RIOK1: variants seen among roughly 807,000 people sequenced by gnomAD.
The protein encoded by RIOK1 is serine/threonine-protein kinase RIO1.
RIOK1 carries 66 observed loss-of-function variants against 73.5 expected under a neutral mutation model. The ratio of observed to expected loss-of-function variants is 0.90; its 90% CI spans 0.74 to 1.10. RIOK1 has a LOEUF of 1.10. Among genes scored for constraint, RIOK1 ranks in the 50% least tolerant of loss-of-function variants. The probability of loss-of-function intolerance (pLI) is 0.00; values close to 1 mark genes in which losing one functional copy is unlikely to be tolerated. For synonymous variants in RIOK1, 224 were observed against 226.8 expected, an observed-to-expected ratio of 0.99 and a Z score of 0.11; for missense variants, 658 against 699.8, an observed-to-expected ratio of 0.94 and a Z score of 0.67.
chr6:7,394,973 G>A, intron 2 of RIOK1, 80 bp from the exon 3 acceptor site: 1 of 1,574,150 alleles, frequency 6.4e-7, no homozygotes, highest in Admixed American at 1.8e-5. Flanking sequence ...TAATAGCTAA[G>A]TATGAACTAA....
At chr6:7,390,650 G>A (rs1433405534) in intron 1 of RIOK1, among the ~76,000 whole-genome samples, 1 of 152,210 alleles carries the variant, frequency 6.6e-6, no homozygotes, top group Non-Finnish European at 1.5e-5. Context: ...CACACAGAAG[G>A]GACAGCAAGA....
At chr6:7,396,879 C>A in intron 4 of RIOK1, 107 bp downstream of exon 4, 1 of 628,960 alleles carries the variant, frequency 1.6e-6, no homozygotes, top group Non-Finnish European at 2.8e-6. Flanking sequence ...ATACTTAAAC[C>A]AATCATTATT....
chr6:7,405,278 A>G lies in RIOK1; in HGVS notation c.1126A>G (p.Met376Val). Residue 376 changes from methionine to valine, a missense_variant, in exon 12 of 17, where the codon ATG becomes GTG. Met to Val is a conservative substitution (Grantham distance 21). Coordinates refer to ENST00000379834, the MANE Select transcript of RIOK1 (RefSeq NM_031480.3). The part of the protein sequence containing the change: ...DFFMRHSVAV[M>V]TVRELFEFVT... The stretch of plus-strand genomic sequence containing the variant: ...CTTTATGAGGCACAGTGTTGCTGTC[A>G]TGACTGTGCGGGAGCTCTTTGAATT... 1.2e-6 allele frequency: 2 copies of G among 1,613,236 alleles called. No homozygotes were observed. Among genetic ancestry groups the G allele is most frequent in the South Asian group, 1.1e-5 (1 of 91,052 alleles).
Position 7,414,357 on chromosome 6 carries a change from G to A in RIOK1, c.1563G>A (p.Lys521=). 6.2e-7 allele frequency: 1 copy of A among 1,612,326 alleles called. No homozygotes were observed. Among genetic ancestry groups the A allele is most frequent in the Non-Finnish European group, 8.5e-7 (1 of 1,179,542 alleles). ...SEEQGDHARP[K]KHTTDPDIDK... ...AGCAGGGAGACCATGCCCGCCCCAAGAAACACACCACGGACCCTGACATTG... is the reference window on the plus strand; with the variant it reads ...AGCAGGGAGACCATGCCCGCCCCAAAAAACACACCACGGACCCTGACATTG... The change falls in exon 16 of 17, where the codon AAG becomes AAA. Residue 521 remains lysine, a synonymous_variant. Transcript: ENST00000379834.
intron 1 of RIOK1, among the ~76,000 whole-genome samples, chr6:7,391,332 T>C (rs1301779436): frequency 6.6e-6 from 1 of 152,062 alleles, no homozygotes; most frequent in African/African-American, 2.4e-5. Flanking sequence ...ATTAGACTAT[T>C]TGTATTCGAA....
rs150425917 is a variant in RIOK1, at chr6:7,396,892, G to GGTGTGTGTGTGTGTGTGTGTGT, written c.437+127_437+148dup. ...GTATACTTAAACCAATCATTATTTTGGTGTGTGTGTGTGTGTGTGTGTGTG... is the reference window on the plus strand; with the variant it reads ...GTATACTTAAACCAATCATTATTTTGGTGTGTGTGTGTGTGTGTGTGTGTGTGTGTGTGTGTGTGTGTGTGTG... On this transcript the variant is annotated intron_variant, in intron 4 of 16. Transcript: ENST00000379834. The GGTGTGTGTGTGTGTGTGTGTGT allele has an allele frequency of 4.2e-4, 177 of 416,544 alleles. 1 individual carries two copies. Among genetic ancestry groups the GGTGTGTGTGTGTGTGTGTGTGT allele is most frequent in the Middle Eastern group, 1.2e-3 (2 of 1,620 alleles). The allele number at this position is 416,544 out of a possible 1,614,324, so 25.8% of individuals were successfully genotyped here. A position where few individuals can be genotyped will look rare whatever the true frequency, so the allele number is the denominator to read the frequency against.
rs1323331231 is a variant in RIOK1 at position 7,395,073 on chromosome 6, C to T, written c.297C>T (p.Asp99=). The T allele has an allele frequency of 6.2e-7, 1 of 1,613,764 alleles. No individual in the cohort carries two copies. The highest frequency in any genetic ancestry group is 1.3e-5 in the African/African-American group (1 of 74,916). ...SNPQANRQTS[D]SSSAKMSTPA... The stretch of plus-strand genomic sequence containing the variant: ...TCTAGGCAAATCGACAGACCTCCGA[C>T]AGCAGTTCAGCCAAAATGTCTACTC... Residue 99 remains aspartate (D), a synonymous_variant, in exon 3 of 17, where the codon GAC becomes GAT. Transcript: ENST00000379834.
chr6:7,414,015 G>T (rs1469494704), intron 15 of RIOK1, among the ~76,000 whole-genome samples: 1 of 152,150 alleles, frequency 6.6e-6, no homozygotes. Context: ...TAAAGCCCTG[G>T]TTCCTTCATT....
chr6:7,400,446 T>A (rs185959049), intron 5 of RIOK1, among the ~76,000 whole-genome samples: 16 of 152,290 alleles, frequency 1.1e-4, no homozygotes, highest in South Asian at 4.1e-4. Context: ...CAGTCTGAAT[T>A]GAGATGTGCT....
intron 9 of RIOK1, 65 bp downstream of exon 9, chr6:7,404,092 T>C (rs1761680641): frequency 3.7e-6 from 4 of 1,072,434 alleles, no homozygotes; most frequent in Non-Finnish European, 5.8e-6. Context: ...TTTGAGTTTA[T>C]CCACTATATG....
At chr6:7,409,940 T>G (rs956350010) in intron 12 of RIOK1, among the ~76,000 whole-genome samples, 3 of 152,322 alleles carry the variant, frequency 2.0e-5, no homozygotes, top group African/African-American at 7.2e-5. Context: ...CAGAGAGCTT[T>G]CTTCAGTGCA....
chr6:7,416,348 A>G (rs1761999136), intron 16 of RIOK1, among the ~76,000 whole-genome samples: 2 of 152,182 alleles, frequency 1.3e-5, no homozygotes, highest in Non-Finnish European at 2.9e-5. Context: ...CTGTCTTCAC[A>G]TTTCTATTAA....
intron 2 of RIOK1, among the ~76,000 whole-genome samples, chr6:7,394,836 C>CG (rs1761432177): frequency 1.3e-5 from 2 of 152,128 alleles, no homozygotes; most frequent in African/African-American, 4.8e-5. Context: ...GTTAAAAAAA[C>CG]GGATTATGCA....
Position 7,411,327 on chromosome 6 carries a change from G to C in RIOK1, c.1270-5G>C, listed in dbSNP as rs368614379. ...AGTTTTGATTTTGCTTTTCCTCTCT[G>C]TTAGGTGTTTAAGCGAGCATATATT... On this transcript the variant is annotated splice_region_variant and splice_polypyrimidine_tract_variant and intron_variant, in intron 13 of 16. Coordinates refer to ENST00000379834, the MANE Select transcript of RIOK1 (RefSeq NM_031480.3). 4.7e-5 allele frequency: 76 copies of C among 1,613,612 alleles called. No homozygotes were observed. Among genetic ancestry groups the C allele is most frequent in the Admixed American group, 1.7e-4 (10 of 59,952 alleles).
chr6:7,393,302 A>T lies in RIOK1; in HGVS notation c.275A>T (p.Gln92Leu), dbSNP rs770079960. 1.3e-5 allele frequency: 21 copies of T among 1,613,558 alleles called. No individual in the cohort carries two copies. The highest frequency in any genetic ancestry group is 8.5e-7 in the Non-Finnish European group (1 of 1,179,596). Residue 92 changes from glutamine (Q) to leucine (L), a missense_variant and splice_region_variant, in exon 2 of 17, where the codon CAG (glutamine) becomes CTG (leucine). Transcript: ENST00000379834. ...GTCTGGAATGGAGGAAGCAACCCAC[A>T]GGTATTTTATAAAGGATCCTGCACA... ...GYVWNGGSNP[Q>L]ANRQTSDSSS... is the part of the protein sequence containing the mutation.
At position 7,393,277 on chromosome 6, in the gene RIOK1, G is replaced by A; in HGVS notation, c.250G>A (p.Val84Ile). 6.2e-7 allele frequency: 1 copy of A among 1,614,138 alleles called. No homozygotes were observed. Among genetic ancestry groups the A allele is most frequent in the African/African-American group, 1.3e-5 (1 of 75,054 alleles). ...EGVGKLAKGY[V>I]WNGGSNPQAN... ...AGTTGGAAAACTCGCCAAGGGTTAT[G>A]TCTGGAATGGAGGAAGCAACCCACA... The change falls in exon 2 of 17, where the codon GTC becomes ATC. Residue 84 changes from valine to isoleucine, a missense_variant. Physicochemically the swap from Val to Ile is conservative, Grantham distance 29 (BLOSUM62 3). Transcript: ENST00000379834.
intron 1 of RIOK1, among the ~76,000 whole-genome samples, chr6:7,392,222 T>G (rs1394928471): frequency 7.0e-6 from 1 of 143,788 alleles, no homozygotes; most frequent in East Asian, 2.0e-4. Flanking sequence ...CTGGTAACAC[T>G]AGGCCTGAAT....
chr6:7,395,554 T>C (rs1309687956), intron 3 of RIOK1, among the ~76,000 whole-genome samples: 1 of 150,942 alleles, frequency 6.6e-6, no homozygotes, highest in African/African-American at 2.4e-5. Flanking sequence ...TGTATTCAAG[T>C]GTTACTAACT....
chr6:7,406,073 C>T (rs1314549264), intron 12 of RIOK1, among the ~76,000 whole-genome samples: 2 of 151,844 alleles, frequency 1.3e-5, no homozygotes, highest in African/African-American at 2.4e-5. Flanking sequence ...TCTTGGTTCA[C>T]TGCAACCTCT....
Sources: gnomAD v4.1 joint callset for allele counts (sites outside exome capture counted in the v4.1 genomes callset) on GRCh38, gnomAD v4.1.1 for gene constraint, MANE v1.5 for transcripts, NCBI Gene and HGNC (gene_info 2026-07-23, HGNC 2026-07-21) for gene names.